The following FCHSD2 variants were observed in gnomAD, a reference collection of about 807,000 sequenced individuals.
FCHSD2 encodes F-BAR and double SH3 domains protein 2.
A neutral mutation model predicts 108.1 loss-of-function variants in FCHSD2; 38 were observed. The observed-to-expected ratio is 0.35, with a 90% CI of 0.27 to 0.46. FCHSD2 has a LOEUF of 0.46. FCHSD2 is among the 20% of genes least tolerant of loss of function. The probability of loss-of-function intolerance (pLI) is 1.00; values close to 1 mark genes in which losing one functional copy is unlikely to be tolerated. For synonymous variants in FCHSD2, 279 were observed against 314.7 expected, an observed-to-expected ratio of 0.89 and a Z score of 1.20; for missense variants, 751 against 897.8, an observed-to-expected ratio of 0.84 and a Z score of 2.09.
chr11:72,994,379 A>G (rs1857481327), intron 5 of FCHSD2, among the ~76,000 whole-genome samples: 1 of 152,184 alleles, frequency 6.6e-6, no homozygotes, highest in Non-Finnish European at 1.5e-5. Flanking sequence ...CGACTCTATG[A>G]AAAAGGTAGT....
intron 12 of FCHSD2, among the ~76,000 whole-genome samples, chr11:72,874,988 A>G (rs922625669): frequency 6.6e-6 from 1 of 152,226 alleles, no homozygotes; most frequent in Non-Finnish European, 1.5e-5. Context: ...ATCTTTTAGG[A>G]TACATAATCT....
chr11:73,124,227 A>G (rs1240853239), intron 2 of FCHSD2, among the ~76,000 whole-genome samples: 1 of 152,202 alleles, frequency 6.6e-6, no homozygotes, highest in African/African-American at 2.4e-5. Flanking sequence ...ACCTGGACAC[A>G]GGATGGGGAA....
chr11:73,108,724 G>A (rs895248607), intron 2 of FCHSD2, among the ~76,000 whole-genome samples: 17 of 151,844 alleles, frequency 1.1e-4, no homozygotes, highest in South Asian at 2.1e-4. Context: ...GCCCGCCACC[G>A]CGCCCGGCTA....
intron 4 of FCHSD2, among the ~76,000 whole-genome samples, chr11:73,003,503 T>C (rs1857668952): frequency 6.6e-6 from 1 of 151,398 alleles, no homozygotes; most frequent in African/African-American, 2.4e-5. Flanking sequence ...TTTTTTTTTT[T>C]TGAGACGGAG....
intron 12 of FCHSD2, among the ~76,000 whole-genome samples, chr11:72,868,912 T>G (rs1449210209): frequency 6.6e-6 from 1 of 152,070 alleles, no homozygotes; most frequent in Non-Finnish European, 1.5e-5. Context: ...TTTTTTAAAT[T>G]TTTTATTTTT....
intron 2 of FCHSD2, among the ~76,000 whole-genome samples, chr11:73,094,219 CA>C (rs937594599): frequency 3.4e-5 from 5 of 148,084 alleles, no homozygotes; most frequent in African/African-American, 2.5e-5. Flanking sequence ...CTCCCTGCAC[CA>C]AAAAAAAAGA....
chr11:72,900,222 C>CCAAAA, intron 10 of FCHSD2: 1 of 931,086 alleles, frequency 1.1e-6, no homozygotes, highest in Non-Finnish European at 1.7e-6. Flanking sequence ...CCCACACTTC[C>CCAAAA]CATCCCTCCC....
intron 6 of FCHSD2, among the ~76,000 whole-genome samples, chr11:72,986,366 C>T (rs1268770169): frequency 1.3e-5 from 2 of 151,994 alleles, no homozygotes; most frequent in Non-Finnish European, 2.9e-5. Context: ...CCTGCCACCA[C>T]GCCCAGCTAA....
At chr11:73,032,482 T>C (rs909140538) in intron 3 of FCHSD2, among the ~76,000 whole-genome samples, 1 of 152,078 alleles carries the variant, frequency 6.6e-6, no homozygotes, top group Non-Finnish European at 1.5e-5. Flanking sequence ...CGACTTGGCA[T>C]CCCAAGGTGC....
At chr11:73,000,650 G>A (rs956935403) in intron 5 of FCHSD2, among the ~76,000 whole-genome samples, 1 of 152,068 alleles carries the variant, frequency 6.6e-6, no homozygotes, top group Non-Finnish European at 1.5e-5. Context: ...AAGAACTAGT[G>A]GGATTAATAA....
chr11:73,029,506 A>G (rs1419109744), intron 3 of FCHSD2, among the ~76,000 whole-genome samples: 1 of 152,200 alleles, frequency 6.6e-6, no homozygotes, highest in Admixed American at 6.5e-5. Flanking sequence ...GCAGCCATGC[A>G]TATGTTCCTG....
chr11:72,990,016 A>G (rs1431096469), intron 5 of FCHSD2, among the ~76,000 whole-genome samples: 1 of 152,188 alleles, frequency 6.6e-6, no homozygotes, highest in Admixed American at 6.5e-5. Context: ...ACCATATGAC[A>G]TACAGGCTAG....
chr11:72,998,341 A>C (rs1260806418), intron 5 of FCHSD2, among the ~76,000 whole-genome samples: 1 of 152,132 alleles, frequency 6.6e-6, no homozygotes, highest in African/African-American at 2.4e-5. Flanking sequence ...GGAGTTCAGG[A>C]CCAGCCTGGC....
intron 3 of FCHSD2, among the ~76,000 whole-genome samples, chr11:73,079,441 G>A (rs918755775): frequency 3.3e-5 from 5 of 151,778 alleles, no homozygotes; most frequent in African/African-American, 2.4e-5. Context: ...GTCGTGATCC[G>A]CCCGCTTCAG....
At chr11:73,118,181 T>G (rs1469610031) in intron 2 of FCHSD2, among the ~76,000 whole-genome samples, 2 of 152,062 alleles carry the variant, frequency 1.3e-5, no homozygotes, top group African/African-American at 4.8e-5. Flanking sequence ...TAGTAGGGTA[T>G]GGTGGCAGGT....
chr11:73,092,933 T>C (rs548130978), intron 2 of FCHSD2, among the ~76,000 whole-genome samples: 42 of 152,188 alleles, frequency 2.8e-4, no homozygotes, highest in Non-Finnish European at 5.0e-4. Context: ...CCTGGGGACC[T>C]TGTGCCACAC....
intron 8 of FCHSD2, among the ~76,000 whole-genome samples, chr11:72,954,551 G>T (rs1414080695): frequency 7.9e-5 from 12 of 151,980 alleles, no homozygotes; most frequent in African/African-American, 2.9e-4. Flanking sequence ...ATGAATGAGG[G>T]GTTTGGAGTG....
rs559349562 is a variant in FCHSD2, at chr11:73,089,117, T to C, written c.120-5377A>G. ...CTACTCAAAATTCACATAATAAATA[T>C]TTGGAAATCTATTCATTATAATGTA... On this transcript the variant is annotated intron_variant, in intron 2 of 19. Transcript: ENST00000409418. 5.9e-5 allele frequency among the ~76,000 whole-genome samples: 9 copies of C among 152,284 alleles called. No homozygotes were observed. The East Asian group carries it at 1.7e-3, about 29-fold the overall frequency.
At chr11:73,126,816 T>A (rs895104054) in intron 2 of FCHSD2, among the ~76,000 whole-genome samples, 1 of 152,250 alleles carries the variant, frequency 6.6e-6, no homozygotes, top group East Asian at 1.9e-4. Context: ...GGCAGGTGGA[T>A]CACTTGAGGT....
Sources: allele counts gnomAD v4.1 joint callset (sites outside exome capture counted in the v4.1 genomes callset), GRCh38; gene constraint gnomAD v4.1.1; transcripts MANE v1.5; gene names NCBI Gene and HGNC (gene_info 2026-07-23, HGNC 2026-07-21).